The following BLTP1 variants were observed in gnomAD, a reference collection of about 807,000 sequenced individuals.
BLTP1 encodes fragile site-associated protein.
the BLTP1 span, among the ~76,000 whole-genome samples, chr4:122,199,048 G>T: frequency 6.6e-6 from 1 of 152,180 alleles, no homozygotes. Flanking sequence ...TTGAGTCAGT[G>T]GAAGAAGAAA....
the BLTP1 span, chr4:122,257,437 TG>T: frequency 6.2e-7 from 1 of 1,613,964 alleles, no homozygotes; most frequent in Non-Finnish European, 8.5e-7. Context: ...GATTGGACAA[TG>T]GGGGTGGTCT....
chr4:122,343,349 T>C, the BLTP1 span: 11 of 1,597,836 alleles, frequency 6.9e-6, no homozygotes, highest in Non-Finnish European at 8.5e-6. Context: ...CTTAAGAACA[T>C]ATTATTGACT....
At chr4:122,219,547 G>C in the BLTP1 span, 1 of 1,613,620 alleles carries the variant, frequency 6.2e-7, no homozygotes, top group South Asian at 1.1e-5. Flanking sequence ...TTTGTACAAA[G>C]TTCATGGGCG....
chr4:122,212,678 A>G, the BLTP1 span, among the ~76,000 whole-genome samples: 1 of 152,178 alleles, frequency 6.6e-6, no homozygotes, highest in African/African-American at 2.4e-5. Flanking sequence ...ACAAAACAGA[A>G]TACAGTGAAA....
At chr4:122,189,560 TTAGTTATTA>T in the BLTP1 span, 1 of 759,674 alleles carries the variant, frequency 1.3e-6, no homozygotes, top group African/African-American at 1.9e-5. Context: ...ATGATACTTA[TTAGTTATTA>T]ATATTAAGTG....
At chr4:122,261,297 G>A in the BLTP1 span, 1 of 985,138 alleles carries the variant, frequency 1.0e-6, no homozygotes, top group Non-Finnish European at 1.2e-6. Flanking sequence ...TCAACCTTCT[G>A]AATCATATTT....
chr4:122,210,895 A>G, the BLTP1 span: 1 of 1,612,774 alleles, frequency 6.2e-7, no homozygotes, highest in Non-Finnish European at 8.5e-7. Flanking sequence ...AGTATCAGAA[A>G]TGGAAGAGAC....
the BLTP1 span, chr4:122,234,120 A>T: frequency 2.4e-5 from 4 of 168,210 alleles, no homozygotes; most frequent in African/African-American, 9.6e-5. Flanking sequence ...ATTGTTTAAG[A>T]AAAGAGGGGA....
chr4:122,332,214 A>G, the BLTP1 span, among the ~76,000 whole-genome samples: 65 of 152,086 alleles, frequency 4.3e-4, no homozygotes, highest in African/African-American at 1.5e-3. Flanking sequence ...ATTATTTTTT[A>G]TACATTCAAA....
the BLTP1 span, chr4:122,173,288 G>A: frequency 1.0e-6 from 1 of 968,508 alleles, no homozygotes; most frequent in African/African-American, 1.6e-5. Flanking sequence ...GATAGTTCTG[G>A]AGGCTGGGAA....
At chr4:122,235,843 G>A in the BLTP1 span, among the ~76,000 whole-genome samples, 5 of 152,246 alleles carry the variant, frequency 3.3e-5, no homozygotes, top group Non-Finnish European at 4.4e-5. Flanking sequence ...GCGTAACTCT[G>A]CAAATACACC....
chr4:122,246,242 A>G, the BLTP1 span: 2 of 1,607,066 alleles, frequency 1.2e-6, no homozygotes, highest in Non-Finnish European at 1.7e-6. Flanking sequence ...AAATCTTACA[A>G]TGAAGCAAGA....
the BLTP1 span, chr4:122,197,040 T>C: frequency 5.0e-6 from 1 of 201,814 alleles, no homozygotes; most frequent in African/African-American, 2.4e-5. Context: ...TAAATTGTTT[T>C]AGTGTATTTT....
At chr4:122,217,909 C>T in the BLTP1 span, among the ~76,000 whole-genome samples, 13 of 152,008 alleles carry the variant, frequency 8.6e-5, no homozygotes, top group Non-Finnish European at 1.9e-4. Context: ...TTCATCTGTT[C>T]AGAGTTTCTG....
chr4:122,185,493 T>A, the BLTP1 span: 1 of 861,074 alleles, frequency 1.2e-6, no homozygotes, highest in Non-Finnish European at 1.4e-6. Context: ...TTAATTACTA[T>A]TGCTATTTCT....
the BLTP1 span, chr4:122,334,278 T>C: frequency 1.5e-6 from 2 of 1,337,966 alleles, no homozygotes; most frequent in South Asian, 2.6e-5. Context: ...ACCACATTTT[T>C]CTATATTTCT....
the BLTP1 span, chr4:122,344,574 A>C: frequency 2.0e-6 from 3 of 1,537,550 alleles, no homozygotes; most frequent in Non-Finnish European, 2.7e-6. Flanking sequence ...ACTCAATTTT[A>C]TAGTTTTTAA....
At chr4:122,239,406 C>T in the BLTP1 span, 51 of 909,370 alleles carry the variant, frequency 5.6e-5, no homozygotes, top group Non-Finnish European at 7.7e-5. Flanking sequence ...TTTTCTTTTA[C>T]TTGTAAAGTA....
At chr4:122,299,698 T>C in the BLTP1 span, 9 of 580,094 alleles carry the variant, frequency 1.6e-5, no homozygotes, top group Non-Finnish European at 1.7e-5. Flanking sequence ...AGGTAGTTGA[T>C]AGCTGGGTTG....
Sources: gnomAD v4.1 joint callset for allele counts (sites outside exome capture counted in the v4.1 genomes callset) on GRCh38, gnomAD v4.1.1 for gene constraint, MANE v1.5 for transcripts, NCBI Gene and HGNC (gene_info 2026-07-23, HGNC 2026-07-21) for gene names.